Variants in TOPAZ1 observed in about 807,000 individuals in gnomAD.
TOPAZ1 encodes the protein protein TOPAZ1.
TOPAZ1 carries 66 observed loss-of-function variants against 172.2 expected under a neutral mutation model. The ratio of observed to expected loss-of-function variants is 0.38; its 90% CI spans 0.31 to 0.47. The LOEUF (loss-of-function observed/expected upper bound fraction) is 0.47. TOPAZ1 is among the 20% of genes least tolerant of loss of function. The pLI is 0.99. For synonymous variants in TOPAZ1, 681 were observed against 683.9 expected, an observed-to-expected ratio of 1.00 and a Z score of 0.07; for missense variants, 1,822 against 1,972.4, an observed-to-expected ratio of 0.92 and a Z score of 1.44.
intron 9 of TOPAZ1, among the ~76,000 whole-genome samples, chr3:44,286,615 C>A (rs766726867): frequency 3.9e-5 from 6 of 151,992 alleles, no homozygotes; most frequent in East Asian, 1.9e-4. Flanking sequence ...ACCAGGTAAT[C>A]CAGCTAGTAA....
In TOPAZ1 at chr3:44,256,289, A is replaced by T; in HGVS notation, c.2955+11A>T. The T allele has an allele frequency of 1.3e-6, 2 of 1,507,344 alleles. No homozygotes were observed. Among genetic ancestry groups the T allele is most frequent in the Non-Finnish European group, 1.8e-6 (2 of 1,134,296 alleles). The allele number at this position is 1,507,344 out of a possible 1,614,324, so 93.4% of individuals were successfully genotyped here. A position where few individuals can be genotyped will look rare whatever the true frequency, so the allele number is the denominator to read the frequency against. On this transcript the variant is annotated intron_variant, in intron 4 of 19. Transcript: ENST00000309765. ...GACTTGGATGAAAAGGTACTAGGGG[A>T]TCTTTTGTGTTTTTTTATTTCTTGG...
rs572260585 is a variant in TOPAZ1 at position 44,291,114 on chromosome 3, T to G, written c.3797+228T>G. Among the ~76,000 whole-genome samples the G allele has an allele frequency of 2.6e-5, 4 of 152,216 alleles. No individual in the cohort carries two copies. In the East Asian group the frequency reaches 7.7e-4, roughly 29 times the overall value. ...TCATTTCCTCTCAATGTCCTGCTCA[T>G]CAAGTGTAAAAAGAGTGTCTTTTAT... On this transcript the variant is annotated intron_variant, in intron 12 of 19. Coordinates refer to ENST00000309765, the MANE Select transcript of TOPAZ1 (RefSeq NM_001145030.2).
intron 8 of TOPAZ1, among the ~76,000 whole-genome samples, chr3:44,272,860 C>T (rs1441245275): frequency 1.3e-5 from 2 of 152,172 alleles, no homozygotes; most frequent in Non-Finnish European, 2.9e-5. Flanking sequence ...CACGCAGCCT[C>T]CGTTGCCCAT....
intron 8 of TOPAZ1, among the ~76,000 whole-genome samples, chr3:44,280,780 C>T (rs1700014633): frequency 6.6e-6 from 1 of 152,208 alleles, no homozygotes; most frequent in South Asian, 2.1e-4. Flanking sequence ...GCCATTGGCT[C>T]CCACCTTAGC....
At chr3:44,300,326 C>T (rs1700256543) in intron 12 of TOPAZ1, among the ~76,000 whole-genome samples, 1 of 151,798 alleles carries the variant, frequency 6.6e-6, no homozygotes, top group South Asian at 2.1e-4. Context: ...CCCAGCTACT[C>T]AGGAGGCTGA....
chr3:44,330,655 G>A (rs1359321058), intron 19 of TOPAZ1, among the ~76,000 whole-genome samples: 1 of 152,188 alleles, frequency 6.6e-6, no homozygotes, highest in Admixed American at 6.5e-5. Flanking sequence ...ACTACACTGT[G>A]ATGTTAATGC....
In TOPAZ1 at chr3:44,310,413, C is replaced by T. The variant is rs539089411; in HGVS notation, c.4306+423C>T. Among the ~76,000 whole-genome samples, 619 of 152,132 alleles carry T rather than the reference C, an allele frequency of 4.1e-3. 7 individuals carry two copies. The highest frequency in any genetic ancestry group is 0.013 in the African/African-American group (525 of 41,524). On this transcript the variant is annotated intron_variant, in intron 16 of 19. Transcript: ENST00000309765. ...ACTCAGGAGGCTGAGGCAGGAGAAT[C>T]GCTTGAACCCGGGAGGCGGAGGTTG...
chr3:44,334,552 A>G (rs148761705), downstream of TOPAZ1, among the ~76,000 whole-genome samples: 906 of 152,302 alleles, frequency 5.9e-3, 10 homozygotes, highest in African/African-American at 0.021. Context: ...TGTAGGTGGA[A>G]TCATTGTAAT....
intron 9 of TOPAZ1, among the ~76,000 whole-genome samples, chr3:44,286,635 C>G (rs112375275): frequency 0.021 from 3,186 of 152,076 alleles, 121 homozygotes; most frequent in African/African-American, 0.072. Context: ...ATAAATATTT[C>G]TAATAGAAGT....
At chr3:44,299,820 G>A (rs1240054037) in intron 12 of TOPAZ1, among the ~76,000 whole-genome samples, 1 of 149,412 alleles carries the variant, frequency 6.7e-6, no homozygotes, top group African/African-American at 2.5e-5. Context: ...GATGAAATTG[G>A]AAATCATCAT....
chr3:44,327,005 G>A (rs1700607757), intron 18 of TOPAZ1, among the ~76,000 whole-genome samples: 1 of 152,124 alleles, frequency 6.6e-6, no homozygotes, highest in Non-Finnish European at 1.5e-5. Context: ...GTTGCTCCTG[G>A]CAGTGACCTA....
At chr3:44,270,366 T>A (rs1475618661) in intron 7 of TOPAZ1, among the ~76,000 whole-genome samples, 1 of 152,184 alleles carries the variant, frequency 6.6e-6, no homozygotes, top group Non-Finnish European at 1.5e-5. Context: ...TTTCTGTTCC[T>A]TAGTTTTTCT....
rs368714214 is a variant in TOPAZ1 at position 44,284,351 on chromosome 3, A to G, written c.3436+2320A>G. Among the ~76,000 whole-genome samples, 8 of 152,220 alleles carry G rather than the reference A, an allele frequency of 5.3e-5. No individual in the cohort carries two copies. In the East Asian group the frequency reaches 5.8e-4, roughly 11 times the overall value. Reference sequence around the variant, plus strand: ...AATTTGTCTATTCTAGGTATTTCATATAAGTAAAATTATACAATATTTGTC... The same window carrying G: ...AATTTGTCTATTCTAGGTATTTCATGTAAGTAAAATTATACAATATTTGTC... On this transcript the variant is annotated intron_variant, in intron 9 of 19. Transcript: ENST00000309765.
chr3:44,257,560 A>C (rs188560550), intron 4 of TOPAZ1, among the ~76,000 whole-genome samples: 12 of 145,320 alleles, frequency 8.3e-5, no homozygotes, highest in Middle Eastern at 3.7e-3. Context: ...ATCACTTGTC[A>C]ATTTTTAGGT....
chr3:44,266,608 C>A (rs922875359), intron 5 of TOPAZ1, among the ~76,000 whole-genome samples: 1 of 152,054 alleles, frequency 6.6e-6, no homozygotes, highest in African/African-American at 2.4e-5. Context: ...GGGGGAACAG[C>A]CAGTTGGTGG....
At chr3:44,317,344 C>G (rs1257503868) in intron 16 of TOPAZ1, among the ~76,000 whole-genome samples, 1 of 152,104 alleles carries the variant, frequency 6.6e-6, no homozygotes, top group South Asian at 2.1e-4. Context: ...TCATTTAAAC[C>G]CGGGAAGCAG....
At chr3:44,283,061 C>A (rs73829622) in intron 9 of TOPAZ1, among the ~76,000 whole-genome samples, 168 of 152,122 alleles carry the variant, frequency 1.1e-3, no homozygotes, top group African/African-American at 3.8e-3. Flanking sequence ...AAAAGGATGT[C>A]ATGAAAAGGA....
chr3:44,274,406 AAAAAGAAAAG>A (rs141902868), intron 8 of TOPAZ1, among the ~76,000 whole-genome samples: 28,907 of 149,350 alleles, frequency 0.19, 2,950 homozygotes, highest in Middle Eastern at 0.3. Flanking sequence ...CTCTCAAAAA[AAAAAGAAAAG>A]AAAAGAAAAG....
chr3:44,251,648 T>G (rs913698944), intron 2 of TOPAZ1, among the ~76,000 whole-genome samples: 2 of 152,180 alleles, frequency 1.3e-5, no homozygotes. Context: ...ATTAAAAAAT[T>G]TCTTGGTTGG....
Sources: allele counts gnomAD v4.1 joint callset (sites outside exome capture counted in the v4.1 genomes callset), GRCh38; gene constraint gnomAD v4.1.1; transcripts MANE v1.5; gene names NCBI Gene and HGNC (gene_info 2026-07-23, HGNC 2026-07-21).